The following ARPP21 variants were observed in gnomAD, a reference collection of about 807,000 sequenced individuals.
ARPP21 encodes the protein cAMP-regulated phosphoprotein 21.
A neutral mutation model predicts 113.2 loss-of-function variants in ARPP21; 69 were observed. That is an observed-to-expected ratio of 0.61 (90% CI 0.50 to 0.74). ARPP21 has a LOEUF of 0.74. Among genes scored for constraint, ARPP21 ranks in the 30% least tolerant of loss-of-function variants. The pLI is 0.00. For missense variants in ARPP21, 1,070 were observed against 1,037.4 expected (o/e 1.03, Z -0.43); for synonymous variants, 368 against 375.5 (o/e 0.98, Z 0.23).
intron 1 of ARPP21, among the ~76,000 whole-genome samples, chr3:35,646,463 T>C (rs1293304864): frequency 6.6e-6 from 1 of 152,134 alleles, no homozygotes; most frequent in Non-Finnish European, 1.5e-5. Context: ...AGATTTGATG[T>C]GAGTATGTGA....
chr3:35,792,949 A>G (rs1287564875), intron 20 of ARPP21, among the ~76,000 whole-genome samples: 3 of 152,236 alleles, frequency 2.0e-5, no homozygotes, highest in Admixed American at 6.5e-5. Context: ...GGCATCTCAG[A>G]TTCATTTAAA....
chr3:35,780,320 G>A (rs967101991), intron 19 of ARPP21, among the ~76,000 whole-genome samples: 2 of 152,118 alleles, frequency 1.3e-5, no homozygotes, highest in African/African-American at 4.8e-5. Flanking sequence ...AGAAGCAGGA[G>A]CTAAATAAGT....
intron 19 of ARPP21, among the ~76,000 whole-genome samples, chr3:35,786,224 GT>G (rs1252334272): frequency 6.6e-6 from 1 of 152,030 alleles, no homozygotes; most frequent in Admixed American, 6.6e-5. Flanking sequence ...CTGCTTTCTT[GT>G]TTTAAAGGTT....
At chr3:35,778,025 T>G (rs1187034946) in intron 19 of ARPP21, among the ~76,000 whole-genome samples, 2 of 152,202 alleles carry the variant, frequency 1.3e-5, no homozygotes, top group African/African-American at 4.8e-5. Flanking sequence ...GAAGCAGTCA[T>G]GCTAAGTGCA....
chr3:35,667,669 A>C (rs2074732127), intron 1 of ARPP21, among the ~76,000 whole-genome samples: 2 of 152,138 alleles, frequency 1.3e-5, no homozygotes, highest in Admixed American at 6.6e-5. Context: ...GATATGTAAG[A>C]GTCCTTCTAG....
At position 35,717,283 on chromosome 3, in the gene ARPP21, G is replaced by C. The variant is rs1430201824; in HGVS notation, c.936-15G>C. ...TTAGGTTTTATATCATAAAAATCAT[G>C]TTTTTCATTTCCAGTAGGCTCTTGG... On this transcript the variant is annotated splice_polypyrimidine_tract_variant and intron_variant, in intron 12 of 20. Transcript: ENST00000684406. 2 of 1,551,784 alleles carry C rather than the reference G, an allele frequency of 1.3e-6. No individual in the cohort carries two copies. The highest frequency in any genetic ancestry group is 2.7e-5 in the African/African-American group (2 of 73,658).
At chr3:35,703,583 C>G (rs188080780) in intron 9 of ARPP21, among the ~76,000 whole-genome samples, 1 of 151,188 alleles carries the variant, frequency 6.6e-6, no homozygotes, top group Non-Finnish European at 1.5e-5. Context: ...ATTTTCCATG[C>G]TTTTTTGATG....
At chr3:35,743,744 C>T in intron 18 of ARPP21, 95 bp from the exon 19 acceptor site, 1 of 1,379,022 alleles carries the variant, frequency 7.3e-7, no homozygotes, top group South Asian at 1.2e-5. Flanking sequence ...ATCTTCACAA[C>T]CTACCACAAT....
At chr3:35,668,315 A>G (rs1040230980) in intron 1 of ARPP21, among the ~76,000 whole-genome samples, 6 of 152,202 alleles carry the variant, frequency 3.9e-5, no homozygotes, top group African/African-American at 1.2e-4. Flanking sequence ...GTTTTGCAGC[A>G]TCACCTTAAG....
intron 9 of ARPP21, among the ~76,000 whole-genome samples, chr3:35,703,040 C>T (rs1419772439): frequency 1.3e-5 from 2 of 151,722 alleles, no homozygotes; most frequent in Non-Finnish European, 2.9e-5. Flanking sequence ...TGGTAACCAC[C>T]TTTCAGTTAC....
chr3:35,641,880 A>G (rs1308986873), intron 1 of ARPP21, among the ~76,000 whole-genome samples: 4 of 152,180 alleles, frequency 2.6e-5, no homozygotes, highest in African/African-American at 9.6e-5. Context: ...GCTTATCAAT[A>G]GTATTTTGAT....
chr3:35,708,789 T>C (rs1350989874), intron 10 of ARPP21, among the ~76,000 whole-genome samples, 180 bp from the exon 11 acceptor site: 2 of 152,242 alleles, frequency 1.3e-5, no homozygotes, highest in Non-Finnish European at 2.9e-5. Flanking sequence ...CACCATTGCA[T>C]GTCATGCACA....
chr3:35,646,291 C>T (rs1417272498), intron 1 of ARPP21, among the ~76,000 whole-genome samples: 3 of 152,078 alleles, frequency 2.0e-5, no homozygotes, highest in Non-Finnish European at 4.4e-5. Flanking sequence ...AAAGTCCTCA[C>T]AAAAAGTTCT....
At chr3:35,734,421 G>T (rs950617071) in intron 15 of ARPP21, among the ~76,000 whole-genome samples, 1 of 152,042 alleles carries the variant, frequency 6.6e-6, no homozygotes, top group East Asian at 1.9e-4. Flanking sequence ...ATGCATCTAC[G>T]TGATAGGAAA....
In ARPP21 at chr3:35,776,150, A is replaced by G. The variant is rs1487830749; in HGVS notation, c.2138-16232A>G. Among the ~76,000 whole-genome samples the G allele has an allele frequency of 7.9e-5, 12 of 152,314 alleles. No homozygotes were observed. The East Asian group carries it at 2.3e-3, about 29-fold the overall frequency. On this transcript the variant is annotated intron_variant, in intron 19 of 20. Coordinates refer to ENST00000684406, the MANE Select transcript of ARPP21 (RefSeq NM_001385562.1). ...AAATGGGGAAAAGTAAAATTGTTCCATGTGTGTTGAGAATGTTATTAAACA... is the reference window on the plus strand; with the variant it reads ...AAATGGGGAAAAGTAAAATTGTTCCGTGTGTGTTGAGAATGTTATTAAACA...
intron 18 of ARPP21, 67 bp downstream of exon 18, chr3:35,739,644 T>G (rs1247436130): frequency 2.6e-6 from 4 of 1,517,206 alleles, no homozygotes; most frequent in Non-Finnish European, 3.5e-6. Context: ...TTTATCTTTC[T>G]ATGTAGAAAA....
intron 19 of ARPP21, among the ~76,000 whole-genome samples, chr3:35,769,327 C>G (rs1005559006): frequency 2.0e-5 from 3 of 152,160 alleles, no homozygotes; most frequent in Non-Finnish European, 4.4e-5. Flanking sequence ...CCTCTCCACT[C>G]TTGCCTGGAA....
intron 15 of ARPP21, among the ~76,000 whole-genome samples, chr3:35,734,667 A>G (rs2094221213): frequency 6.6e-6 from 1 of 152,232 alleles, no homozygotes; most frequent in South Asian, 2.1e-4. Context: ...ATAATGGGAA[A>G]TACTAACCTC....
intron 9 of ARPP21, among the ~76,000 whole-genome samples, chr3:35,695,630 C>T (rs1306619211): frequency 6.6e-6 from 1 of 151,496 alleles, no homozygotes; most frequent in Admixed American, 6.6e-5. Flanking sequence ...TTGGGGACTA[C>T]CTGCCCATCC....
Sources: gnomAD v4.1 joint callset for allele counts (sites outside exome capture counted in the v4.1 genomes callset) on GRCh38, gnomAD v4.1.1 for gene constraint, MANE v1.5 for transcripts, NCBI Gene and HGNC (gene_info 2026-07-23, HGNC 2026-07-21) for gene names.